Variants in PDE1A observed in about 807,000 individuals in gnomAD.
PDE1A encodes the protein phosphodiesterase 1A, also known as dual specificity calcium/calmodulin-dependent 3',5'-cyclic nucleotide phosphodiesterase 1A.
A neutral mutation model predicts 61.7 loss-of-function variants in PDE1A; 35 were observed. That is an observed-to-expected ratio of 0.57 (90% CI 0.43 to 0.75). The LOEUF is 0.75. Among genes scored for constraint, PDE1A ranks in the 30% least tolerant of loss-of-function variants. The pLI is 0.00. For synonymous variants in PDE1A, 232 were observed against 213.2 expected (o/e 1.09, Z -0.77); for missense variants, 597 against 630.6 (o/e 0.95, Z 0.57).
chr2:182,478,974 C>T (rs1341999706), intron 2 of PDE1A, among the ~76,000 whole-genome samples: 1 of 151,858 alleles, frequency 6.6e-6, no homozygotes, highest in East Asian at 1.9e-4. Flanking sequence ...AAAATGACTC[C>T]TGTCCTGTTG....
intron 2 of PDE1A, among the ~76,000 whole-genome samples, chr2:182,484,193 C>A (rs1687870813): frequency 6.6e-6 from 1 of 151,942 alleles, no homozygotes; most frequent in African/African-American, 2.4e-5. Flanking sequence ...TAATACTAAT[C>A]CTACACAACC....
intron 2 of PDE1A, among the ~76,000 whole-genome samples, chr2:182,488,890 A>AT (rs545448704): frequency 1.8e-4 from 28 of 152,224 alleles, no homozygotes; most frequent in Non-Finnish European, 3.8e-4. Context: ...TGCAGGAATG[A>AT]TTCAGGCCCT....
At chr2:182,151,723 G>T (rs1285103687) in intron 13 of PDE1A, among the ~76,000 whole-genome samples, 1 of 152,102 alleles carries the variant, frequency 6.6e-6, no homozygotes, top group Non-Finnish European at 1.5e-5. Context: ...TAAATTTGTT[G>T]TTCTTTTTGT....
chr2:182,236,047 G>T (rs1367717494), intron 3 of PDE1A, among the ~76,000 whole-genome samples: 1 of 152,136 alleles, frequency 6.6e-6, no homozygotes, highest in East Asian at 1.9e-4. Flanking sequence ...TCTAGCCTAG[G>T]CTTTCTTGAT....
chr2:182,265,826 A>G (rs915066822), intron 1 of PDE1A, among the ~76,000 whole-genome samples: 2 of 152,136 alleles, frequency 1.3e-5, no homozygotes, highest in Non-Finnish European at 2.9e-5. Flanking sequence ...CTACTTGTCT[A>G]TTTTCCTAAG....
At chr2:182,630,052 A>G in the PDE1A span, among the ~76,000 whole-genome samples, 1 of 152,020 alleles carries the variant, frequency 6.6e-6, no homozygotes, top group African/African-American at 2.4e-5. Flanking sequence ...CCATTTTTCT[A>G]TTGGATGATC....
At chr2:182,296,552 G>T (rs912017399) in intron 1 of PDE1A, among the ~76,000 whole-genome samples, 69 of 152,230 alleles carry the variant, frequency 4.5e-4, no homozygotes, top group Non-Finnish European at 8.1e-4. Flanking sequence ...AGCAATGAGT[G>T]GCCTATGATG....
downstream of PDE1A, among the ~76,000 whole-genome samples, chr2:182,166,529 G>T (rs1466417108): frequency 6.6e-6 from 1 of 152,140 alleles, no homozygotes; most frequent in East Asian, 1.9e-4. Context: ...GCCTCAGGCT[G>T]GGGCTCCACT....
intron 3 of PDE1A, among the ~76,000 whole-genome samples, chr2:182,236,346 G>A (rs1368346131): frequency 2.8e-5 from 4 of 141,490 alleles, no homozygotes; most frequent in Non-Finnish European, 6.2e-5. Flanking sequence ...ATACTCAGGT[G>A]TTTTTTTTTT....
At chr2:182,442,585 T>C (rs903804713) in intron 2 of PDE1A, among the ~76,000 whole-genome samples, 6 of 152,068 alleles carry the variant, frequency 3.9e-5, no homozygotes, top group Admixed American at 6.6e-5. Flanking sequence ...ATTCTATTCA[T>C]ATAATAAACA....
the PDE1A span, among the ~76,000 whole-genome samples, chr2:182,610,439 C>T: frequency 7.8e-3 from 1,185 of 152,194 alleles, 27 homozygotes; most frequent in East Asian, 0.088. Flanking sequence ...AGGTGGTGCT[C>T]TCTGCGGTTG....
At chr2:182,640,295 C>T in the PDE1A span, among the ~76,000 whole-genome samples, 1 of 152,134 alleles carries the variant, frequency 6.6e-6, no homozygotes, top group Non-Finnish European at 1.5e-5. Flanking sequence ...TAAATGAGGA[C>T]TGAAATATAT....
chr2:182,201,836 T>C, intron 8 of PDE1A, 47 bp from the exon 9 acceptor site: 2 of 1,200,322 alleles, frequency 1.7e-6, no homozygotes, highest in Non-Finnish European at 2.4e-6. Context: ...CATTTATTGT[T>C]CTGAAGTGGA....
chr2:182,623,262 A>T, the PDE1A span, among the ~76,000 whole-genome samples: 1 of 152,216 alleles, frequency 6.6e-6, no homozygotes, highest in Non-Finnish European at 1.5e-5. Flanking sequence ...CTTTCTGCCC[A>T]GCCAACAGAC....
chr2:182,635,978 C>G, the PDE1A span, among the ~76,000 whole-genome samples: 1 of 76,556 alleles, frequency 1.3e-5, no homozygotes, highest in East Asian at 3.9e-4. Context: ...TTTTTTGAGA[C>G]AGAGTCTTGC....
chr2:182,550,171 TAAAG>T, the PDE1A span, among the ~76,000 whole-genome samples: 1 of 152,152 alleles, frequency 6.6e-6, no homozygotes, highest in Non-Finnish European at 1.5e-5. Context: ...TTCCTATAAA[TAAAG>T]AAAGTAAATG....
chr2:182,677,013 G>C, the PDE1A span, among the ~76,000 whole-genome samples: 346 of 152,238 alleles, frequency 2.3e-3, 2 homozygotes, highest in African/African-American at 7.4e-3. Flanking sequence ...ACAAGACAAG[G>C]ATGCTCTCTC....
At chr2:182,513,192 G>T (rs1689918400) in intron 2 of PDE1A, among the ~76,000 whole-genome samples, 1 of 152,078 alleles carries the variant, frequency 6.6e-6, no homozygotes, top group African/African-American at 2.4e-5. Context: ...ATTAAAGGCA[G>T]CTAGAGAGAA....
chr2:182,629,443 C>T, the PDE1A span, among the ~76,000 whole-genome samples: 2 of 152,116 alleles, frequency 1.3e-5, no homozygotes, highest in Non-Finnish European at 2.9e-5. Context: ...TGATGAAGTT[C>T]CTTTGATTAT....
Sources: gnomAD v4.1 joint callset for allele counts (sites outside exome capture counted in the v4.1 genomes callset) on GRCh38, gnomAD v4.1.1 for gene constraint, MANE v1.5 for transcripts, NCBI Gene and HGNC (gene_info 2026-07-23, HGNC 2026-07-21) for gene names.